Variants in SSBP2 observed in about 807,000 individuals in gnomAD.
The protein encoded by SSBP2 is single-stranded DNA-binding protein 2.
A neutral mutation model predicts 61.8 loss-of-function variants in SSBP2; 17 were observed. The ratio of observed to expected loss-of-function variants is 0.28; its 90% CI spans 0.19 to 0.41. The LOEUF is 0.41. Ranked by LOEUF, SSBP2 falls within the 10% of genes least tolerant of loss-of-function variation. The pLI is 1.00. For missense variants in SSBP2, 310 were observed against 458.7 expected, an observed-to-expected ratio of 0.68 and a Z score of 2.96; for synonymous variants, 139 against 141.3, an observed-to-expected ratio of 0.98 and a Z score of 0.12.
chr5:81,592,832 C>T (rs952593250), intron 4 of SSBP2, among the ~76,000 whole-genome samples: 2 of 152,140 alleles, frequency 1.3e-5, no homozygotes, highest in African/African-American at 2.4e-5. Context: ...ACACCAAAGA[C>T]CCATCTGTAC....
chr5:81,466,821 A>G (rs1220564933), intron 9 of SSBP2, among the ~76,000 whole-genome samples, 153 bp downstream of exon 9: 1 of 152,048 alleles, frequency 6.6e-6, no homozygotes, highest in Non-Finnish European at 1.5e-5. Context: ...TTTATACCAC[A>G]CAGAGACTGT....
intron 15 of SSBP2, among the ~76,000 whole-genome samples, chr5:81,429,851 G>A (rs1419573291): frequency 1.3e-5 from 2 of 152,168 alleles, no homozygotes; most frequent in Admixed American, 6.5e-5. Context: ...AATACACTGT[G>A]TCTTGTCTTG....
intron 4 of SSBP2, among the ~76,000 whole-genome samples, chr5:81,569,187 A>G (rs1222697342): frequency 6.6e-6 from 1 of 152,200 alleles, no homozygotes; most frequent in African/African-American, 2.4e-5. Flanking sequence ...AATTACATAC[A>G]GTAAAATTCA....
intron 5 of SSBP2, among the ~76,000 whole-genome samples, chr5:81,508,729 G>C (rs1768371423): frequency 6.6e-6 from 1 of 152,084 alleles, no homozygotes; most frequent in South Asian, 2.1e-4. Flanking sequence ...ACTTATCATG[G>C]AAGAGGGAGC....
chr5:81,588,503 G>A (rs1213263629), intron 4 of SSBP2, among the ~76,000 whole-genome samples: 1 of 151,860 alleles, frequency 6.6e-6, no homozygotes, highest in Non-Finnish European at 1.5e-5. Context: ...TGACAATTCA[G>A]CCAAGATGTT....
At chr5:81,429,344 G>A (rs530282283) in intron 15 of SSBP2, among the ~76,000 whole-genome samples, 1 of 152,238 alleles carries the variant, frequency 6.6e-6, no homozygotes, top group Non-Finnish European at 1.5e-5. Flanking sequence ...AACTTTCCTT[G>A]GAAGATAAAA....
intron 1 of SSBP2, among the ~76,000 whole-genome samples, chr5:81,713,610 A>G (rs1437149225): frequency 6.6e-6 from 1 of 152,190 alleles, no homozygotes; most frequent in East Asian, 1.9e-4. Flanking sequence ...ACAGCCTACC[A>G]GATTATCCTA....
chr5:81,485,318 T>TA (rs1766300541), intron 6 of SSBP2, among the ~76,000 whole-genome samples: 1 of 152,202 alleles, frequency 6.6e-6, no homozygotes, highest in African/African-American at 2.4e-5. Flanking sequence ...TAGACATTAT[T>TA]ACCCCTTCCT....
intron 2 of SSBP2, among the ~76,000 whole-genome samples, chr5:81,638,850 A>T (rs896985671): frequency 4.6e-5 from 7 of 152,234 alleles, no homozygotes; most frequent in African/African-American, 1.7e-4. Flanking sequence ...GTAAAAATGA[A>T]TCATTTAAAC....
chr5:81,585,386 T>TA (rs566768259), intron 4 of SSBP2, among the ~76,000 whole-genome samples: 74 of 152,238 alleles, frequency 4.9e-4, no homozygotes, highest in Non-Finnish European at 8.1e-4. Flanking sequence ...ATCCTAGATA[T>TA]AAGATATAAG....
At chr5:81,694,724 TA>T (rs1291215944) in intron 1 of SSBP2, among the ~76,000 whole-genome samples, 1 of 152,266 alleles carries the variant, frequency 6.6e-6, no homozygotes, top group East Asian at 1.9e-4. Flanking sequence ...CCTCTAATCC[TA>T]ATGCTTTGGG....
At chr5:81,435,083 C>G (rs186011691) in intron 15 of SSBP2, among the ~76,000 whole-genome samples, 5 of 152,062 alleles carry the variant, frequency 3.3e-5, no homozygotes, top group Non-Finnish European at 5.9e-5. Flanking sequence ...AAATGAGATG[C>G]GTAGGAACTC....
chr5:81,450,446 T>C (rs762770471), intron 10 of SSBP2, among the ~76,000 whole-genome samples: 17 of 152,200 alleles, frequency 1.1e-4, no homozygotes, highest in Non-Finnish European at 1.9e-4. Context: ...TCACTCTATA[T>C]TGCCTATCAT....
intron 4 of SSBP2, among the ~76,000 whole-genome samples, chr5:81,586,863 G>T (rs866971967): frequency 1.6e-4 from 24 of 151,762 alleles, no homozygotes; most frequent in Non-Finnish European, 2.8e-4. Flanking sequence ...GTATATACTA[G>T]ATAGAGGGTG....
chr5:81,531,206 G>A (rs1276384019), intron 4 of SSBP2, among the ~76,000 whole-genome samples: 3 of 144,484 alleles, frequency 2.1e-5, no homozygotes, highest in Admixed American at 1.4e-4. Context: ...CTCAGCCTGA[G>A]TGGCAGAGTA....
At chr5:81,643,665 C>T (rs1190144823) in intron 2 of SSBP2, among the ~76,000 whole-genome samples, 1 of 126,122 alleles carries the variant, frequency 7.9e-6, no homozygotes, top group Admixed American at 1.0e-4. Flanking sequence ...TACAGTGGTG[C>T]GATCTGGGCT....
chr5:81,623,803 CTTCTAT>C (rs957153830), intron 3 of SSBP2, among the ~76,000 whole-genome samples: 3 of 152,104 alleles, frequency 2.0e-5, no homozygotes, highest in African/African-American at 4.8e-5. Flanking sequence ...CATTGTTCTA[CTTCTAT>C]TTCTATGTTT....
intron 1 of SSBP2, among the ~76,000 whole-genome samples, chr5:81,698,310 TAATA>T (rs1753727605): frequency 6.6e-6 from 1 of 152,250 alleles, no homozygotes; most frequent in African/African-American, 2.4e-5. Flanking sequence ...TACAAGGATT[TAATA>T]AATCATTTTT....
At chr5:81,552,360 G>C (rs922092263) in intron 4 of SSBP2, among the ~76,000 whole-genome samples, 1 of 152,056 alleles carries the variant, frequency 6.6e-6, no homozygotes, top group African/African-American at 2.4e-5. Context: ...AGTAAAGGCC[G>C]GGCACGGTGG....
Sources: gnomAD v4.1 joint callset for allele counts (sites outside exome capture counted in the v4.1 genomes callset) on GRCh38, gnomAD v4.1.1 for gene constraint, MANE v1.5 for transcripts, NCBI Gene and HGNC (gene_info 2026-07-23, HGNC 2026-07-21) for gene names.